Variants in PCDH15 observed in about 807,000 individuals in gnomAD.
The protein encoded by PCDH15 is protocadherin related 15.
In PCDH15, 129 loss-of-function variants were observed where a neutral mutation model predicts 178.5. That is an observed-to-expected ratio of 0.72 (90% CI 0.63 to 0.84). PCDH15 has a LOEUF of 0.84. Among genes scored for constraint, PCDH15 ranks in the 40% least tolerant of loss-of-function variants. The probability of loss-of-function intolerance (pLI) is 0.00; values close to 1 mark genes in which losing one functional copy is unlikely to be tolerated. For synonymous variants in PCDH15, 800 were observed against 732.0 expected (o/e 1.09, Z -1.50); for missense variants, 2,230 against 2,099.9 (o/e 1.06, Z -1.21).
intron 2 of PCDH15, among the ~76,000 whole-genome samples, chr10:55,025,200 CAAAG>C (rs1333271729): frequency 6.6e-6 from 1 of 151,848 alleles, no homozygotes; most frequent in Non-Finnish European, 1.5e-5. Flanking sequence ...ATAACAGCAA[CAAAG>C]AAAGAGAGAT....
chr10:55,122,133 G>A (rs1004928039), intron 2 of PCDH15, among the ~76,000 whole-genome samples: 1 of 152,054 alleles, frequency 6.6e-6, no homozygotes, highest in African/African-American at 2.4e-5. Flanking sequence ...ATATTACAAG[G>A]ATGTATTAAG....
chr10:54,740,651 GA>G (rs35411163), intron 1 of PCDH15, among the ~76,000 whole-genome samples: 76 of 151,942 alleles, frequency 5.0e-4, no homozygotes, highest in Middle Eastern at 6.8e-3. Context: ...AACAGATTAA[GA>G]AAATGTAGTA....
At chr10:55,003,342 G>C (rs1189157303) in intron 2 of PCDH15, among the ~76,000 whole-genome samples, 1 of 151,996 alleles carries the variant, frequency 6.6e-6, no homozygotes, top group Admixed American at 6.6e-5. Flanking sequence ...AAATTAAAAG[G>C]CTTATGTTTT....
intron 2 of PCDH15, among the ~76,000 whole-genome samples, chr10:54,655,377 G>A (rs1285359784): frequency 6.6e-6 from 1 of 150,790 alleles, no homozygotes; most frequent in African/African-American, 2.4e-5. Flanking sequence ...CTGGGATATT[G>A]TAAGTTACCT....
rs1399360810 is a variant in PCDH15 at position 54,775,225 on chromosome 10, T to C, written c.-29+25700A>G. Among the ~76,000 whole-genome samples the C allele has an allele frequency of 3.9e-5, 6 of 152,324 alleles. No individual in the cohort carries two copies. In the South Asian group the frequency reaches 6.2e-4, roughly 16 times the overall value. On this transcript the variant is annotated intron_variant, in intron 1 of 37. Transcript: ENST00000644397. The stretch of plus-strand genomic sequence containing the variant: ...TGAAGAATAATCCTGGACATAATTT[T>C]ATTTACTATTGTTATTATATCTTTA...
chr10:54,312,360 G>T (rs962712716), intron 8 of PCDH15, among the ~76,000 whole-genome samples: 1 of 151,968 alleles, frequency 6.6e-6, no homozygotes, highest in Admixed American at 6.6e-5. Context: ...TACTAAGGAT[G>T]ATTTTATTTT....
intron 2 of PCDH15, among the ~76,000 whole-genome samples, chr10:55,402,422 C>T (rs1428889841): frequency 6.6e-6 from 1 of 151,840 alleles, no homozygotes; most frequent in Non-Finnish European, 1.5e-5. Flanking sequence ...ATGTTGTTTT[C>T]AACTGTAGTC....
intron 2 of PCDH15, among the ~76,000 whole-genome samples, chr10:55,490,889 C>G (rs1012199061): frequency 6.6e-6 from 1 of 151,568 alleles, no homozygotes; most frequent in African/African-American, 2.4e-5. Context: ...CAATTTAAAG[C>G]CTTCAAAATA....
intron 8 of PCDH15, among the ~76,000 whole-genome samples, chr10:54,315,878 T>C (rs2061227053): frequency 6.6e-6 from 1 of 152,116 alleles, no homozygotes; most frequent in African/African-American, 2.4e-5. Context: ...TCATTACTTT[T>C]ACCAGTCCTT....
chr10:55,036,771 C>T (rs775804506), intron 2 of PCDH15, among the ~76,000 whole-genome samples: 1 of 152,108 alleles, frequency 6.6e-6, no homozygotes, highest in African/African-American at 2.4e-5. Flanking sequence ...TTTATCTAAA[C>T]TATAAACAAT....
intron 2 of PCDH15, among the ~76,000 whole-genome samples, chr10:55,580,161 ATTG>A (rs900541056): frequency 2.6e-5 from 4 of 151,264 alleles, no homozygotes; most frequent in African/African-American, 9.7e-5. Context: ...CCGGCCACAT[ATTG>A]TTGTTTTATA....
intron 2 of PCDH15, among the ~76,000 whole-genome samples, chr10:55,095,067 T>C (rs1031633502): frequency 1.3e-5 from 2 of 151,640 alleles, no homozygotes; most frequent in African/African-American, 4.8e-5. Flanking sequence ...ACCACAAGTG[T>C]ATGCCACCAC....
At chr10:54,435,370 GC>G (rs1565268015) in intron 3 of PCDH15, among the ~76,000 whole-genome samples, 1 of 152,128 alleles carries the variant, frequency 6.6e-6, no homozygotes, top group Non-Finnish European at 1.5e-5. Context: ...CTTTGTGGAA[GC>G]TTCACCACAT....
chr10:54,000,650 A>C (rs970238562), intron 20 of PCDH15, among the ~76,000 whole-genome samples: 1 of 17,700 alleles, frequency 5.6e-5, no homozygotes, highest in Non-Finnish European at 1.2e-4. Flanking sequence ...AGGCAAGAGA[A>C]AAAAAAGAAC....
chr10:54,938,651 C>T (rs1180017244), intron 2 of PCDH15, among the ~76,000 whole-genome samples: 8 of 152,164 alleles, frequency 5.3e-5, no homozygotes, highest in African/African-American at 4.8e-5. Flanking sequence ...CAAAAATGTT[C>T]ACCTCCTAAT....
Position 53,920,456 on chromosome 10 carries a change from T to A in PCDH15, c.3374-17086A>T, listed in dbSNP as rs191295151. Among the ~76,000 whole-genome samples, 28 of 152,104 alleles carry A rather than the reference T, an allele frequency of 1.8e-4. 1 individual carries two copies. The East Asian group carries it at 4.8e-3, about 26-fold the overall frequency. On this transcript the variant is annotated intron_variant, in intron 25 of 37. Coordinates refer to ENST00000644397, the MANE Select transcript of PCDH15 (RefSeq NM_001384140.1). ...ATATAATTGAAAAAGATATATAATT[T>A]AAAAAAATCAAAATCACGGGATGAT...
intron 26 of PCDH15, among the ~76,000 whole-genome samples, chr10:53,889,418 G>T (rs577941320): frequency 6.6e-6 from 1 of 151,924 alleles, no homozygotes; most frequent in South Asian, 2.1e-4. Flanking sequence ...CAAAATAGTC[G>T]CCACATAAAG....
At chr10:54,653,851 T>C (rs1338562192) in intron 2 of PCDH15, among the ~76,000 whole-genome samples, 1 of 152,206 alleles carries the variant, frequency 6.6e-6, no homozygotes, top group Admixed American at 6.5e-5. Flanking sequence ...ATTAGTTAAT[T>C]AAAATTTTAA....
chr10:55,566,036 G>T (rs1842294420), intron 2 of PCDH15, among the ~76,000 whole-genome samples: 1 of 151,466 alleles, frequency 6.6e-6, no homozygotes, highest in African/African-American at 2.4e-5. Context: ...AAACACTGAT[G>T]CAAAAATCCT....
Sources: gnomAD v4.1 joint callset for allele counts (sites outside exome capture counted in the v4.1 genomes callset) on GRCh38, gnomAD v4.1.1 for gene constraint, MANE v1.5 for transcripts, NCBI Gene and HGNC (gene_info 2026-07-23, HGNC 2026-07-21) for gene names.